CHRDL2: variants seen among roughly 807,000 people sequenced by gnomAD.
The protein encoded by CHRDL2 is chordin-like protein 2.
A neutral mutation model predicts 54.3 loss-of-function variants in CHRDL2; 41 were observed. The observed-to-expected ratio is 0.76, with a 90% confidence interval of 0.59 to 0.98. The LOEUF (loss-of-function observed/expected upper bound fraction) is 0.98, where lower values mean the gene tolerates loss of function less well. Ranked by LOEUF, CHRDL2 falls within the 50% of genes least tolerant of loss-of-function variation. The pLI, the probability that CHRDL2 is intolerant of heterozygous loss-of-function variation, is 0.00. For synonymous variants in CHRDL2, 220 were observed against 224.3 expected, an observed-to-expected ratio of 0.98 and a Z score of 0.17; for missense variants, 518 against 562.4, an observed-to-expected ratio of 0.92 and a Z score of 0.80.
chr11:74,706,071 G>T lies in CHRDL2; in HGVS notation c.582+416C>A, dbSNP rs186777757. On this transcript the variant is annotated intron_variant, in intron 6 of 10. Transcript: ENST00000376332. ...TTGAGAGGGGCCAAGATACAGGGGGGTACAGAGAGGCAGGCTCTAAAGAGC... is the reference window on the plus strand; with the variant it reads ...TTGAGAGGGGCCAAGATACAGGGGGTTACAGAGAGGCAGGCTCTAAAGAGC... Among the ~76,000 whole-genome samples the T allele has an allele frequency of 7.2e-5, 11 of 152,156 alleles. No homozygotes were observed. The East Asian group carries it at 1.4e-3, about 19-fold the overall frequency.
At chr11:74,704,442 C>A in intron 7 of CHRDL2, 44 bp downstream of exon 7, 3 of 1,561,982 alleles carry the variant, frequency 1.9e-6, no homozygotes, top group Admixed American at 2.0e-5. Context: ...CAGTCAGGGC[C>A]CCCCTTCCCT....
At chr11:74,713,057 G>A (rs1391399493) in intron 3 of CHRDL2, among the ~76,000 whole-genome samples, 1 of 152,110 alleles carries the variant, frequency 6.6e-6, no homozygotes, top group East Asian at 1.9e-4. Context: ...TTCCCAGACT[G>A]CGCCCACACC....
intron 1 of CHRDL2, among the ~76,000 whole-genome samples, chr11:74,728,715 C>T (rs1336334445): frequency 6.6e-6 from 1 of 152,092 alleles, no homozygotes; most frequent in Non-Finnish European, 1.5e-5. Context: ...TGCTGTGTGA[C>T]CTTGGGCAAG....
At chr11:74,713,315 C>T in intron 3 of CHRDL2, 71 bp downstream of exon 3, 1 of 1,360,268 alleles carries the variant, frequency 7.4e-7, no homozygotes. Flanking sequence ...CAGGGGTCTC[C>T]CTCAGCTAGA....
intron 10 of CHRDL2, among the ~76,000 whole-genome samples, 180 bp from the exon 11 acceptor site, chr11:74,696,765 C>T (rs150118913): frequency 1.3e-3 from 203 of 152,300 alleles, no homozygotes; most frequent in African/African-American, 4.7e-3. Flanking sequence ...GGCACATGAC[C>T]CAGCTTTCAA....
intron 1 of CHRDL2, among the ~76,000 whole-genome samples, chr11:74,721,599 C>A (rs2034501289): frequency 6.6e-6 from 1 of 152,224 alleles, no homozygotes; most frequent in African/African-American, 2.4e-5. Context: ...GATGAGTGCC[C>A]AAGGCCATGC....
intron 3 of CHRDL2, among the ~76,000 whole-genome samples, chr11:74,713,059 G>A (rs1456741095): frequency 1.3e-5 from 2 of 152,198 alleles, no homozygotes; most frequent in East Asian, 1.9e-4. Flanking sequence ...CCCAGACTGC[G>A]CCCACACCCT....
chr11:74,704,530 C>T lies in CHRDL2; in HGVS notation c.707G>A (p.Gly236Asp), dbSNP rs758219563. The T allele has an allele frequency of 1.3e-5, 20 of 1,585,140 alleles. No individual in the cohort carries two copies. The highest frequency in any genetic ancestry group is 2.7e-5 in the African/African-American group (2 of 73,126). ...IPRHFRPKGAGSTTVKIVLKE... is the reference protein window; with the variant it reads ...IPRHFRPKGADSTTVKIVLKE... The stretch of plus-strand genomic sequence containing the variant: ...CAGGACGATCTTGACAGTTGTGCTG[C>T]CTGCTCCCTTGGGTCTGAAGTGGCG... Residue 236 changes from glycine to aspartate, a missense_variant, in exon 7 of 11, where the codon GGC becomes GAC. Gly to Asp is a moderately conservative substitution (Grantham distance 94, BLOSUM62 -1). Coordinates refer to ENST00000376332, the MANE Select transcript of CHRDL2 (RefSeq NM_001278473.3).
rs1565161643 is a variant in CHRDL2, at chr11:74,730,827, AG to A, written c.61del (p.Leu21TrpfsTer35). On this transcript the variant is annotated frameshift_variant, in exon 1 of 11. Coordinates refer to ENST00000376332, the MANE Select transcript of CHRDL2 (RefSeq NM_001278473.3). LOFTEE classifies it high-confidence loss of function. ...LLGLALLWFP[L>X]DSHARARPDM... ...CTTACGGGCTCGAGCGTGGGAGTCC[AG>A]GGGGAACCAGAGCAGCGCGAGTCCC... The A allele has an allele frequency of 6.2e-7, 1 of 1,612,420 alleles. No homozygotes were observed. Among genetic ancestry groups the A allele is most frequent in the Non-Finnish European group, 8.5e-7 (1 of 1,179,478 alleles).
At chr11:74,727,491 A>G (rs1394065768) in intron 1 of CHRDL2, among the ~76,000 whole-genome samples, 1 of 152,156 alleles carries the variant, frequency 6.6e-6, no homozygotes, top group African/African-American at 2.4e-5. Flanking sequence ...TGCAGCCCCC[A>G]TCTTCTGGGC....
chr11:74,718,331 C>T (rs186384802), intron 2 of CHRDL2, among the ~76,000 whole-genome samples: 1 of 152,154 alleles, frequency 6.6e-6, no homozygotes, highest in South Asian at 2.1e-4. Context: ...GGGAACACAT[C>T]CTAAGGCAGG....
In CHRDL2 at chr11:74,702,941, C is replaced by A. The variant is rs1591351314; in HGVS notation, c.973G>T (p.Glu325Ter). The A allele has an allele frequency of 6.2e-7, 1 of 1,613,688 alleles. No individual in the cohort carries two copies. The highest frequency in any genetic ancestry group is 2.2e-5 in the East Asian group (1 of 44,884). Residue 325 changes from glutamate to a stop codon, truncating the protein, a stop_gained, in exon 9 of 11, where the codon GAG becomes TAG. Transcript: ENST00000376332. LOFTEE classifies it high-confidence loss of function. The stretch of plus-strand genomic sequence containing the variant: ...TTGGGACACCTGGTAGAACTGATCT[C>A]ACTGTGGCCAGGGTCTGCTTTGTCC... Reference protein sequence around the residue: ...PEDKADPGHSEISSTRCPKAP... With the variant: ...PEDKADPGHS
intron 1 of CHRDL2, among the ~76,000 whole-genome samples, chr11:74,721,844 T>C (rs1312736682): frequency 2.6e-5 from 4 of 152,250 alleles, no homozygotes; most frequent in Non-Finnish European, 5.9e-5. Flanking sequence ...TCTGCATAGA[T>C]ACTTTATGAA....
intron 6 of CHRDL2, among the ~76,000 whole-genome samples, chr11:74,705,997 C>T (rs1412624061): frequency 6.6e-6 from 1 of 152,162 alleles, no homozygotes; most frequent in Non-Finnish European, 1.5e-5. Context: ...TCCTTCCTCT[C>T]AGATCAGAGA....
intron 9 of CHRDL2, among the ~76,000 whole-genome samples, chr11:74,702,183 G>A (rs2033838364): frequency 2.0e-5 from 3 of 151,962 alleles, no homozygotes; most frequent in Non-Finnish European, 1.5e-5. Flanking sequence ...TTGAGCCCAG[G>A]AGAATGAGGT....
chr11:74,703,496 C>T lies in CHRDL2; in HGVS notation c.755G>A (p.Cys252Tyr), dbSNP rs1190055259. 6 of 1,593,194 alleles carry T rather than the reference C, an allele frequency of 3.8e-6. No homozygotes were observed. Among genetic ancestry groups the T allele is most frequent in the Non-Finnish European group, 5.1e-6 (6 of 1,167,820 alleles). The change falls in exon 8 of 11, where the codon TGT becomes TAT. Residue 252 changes from cysteine (C) to tyrosine (Y), a missense_variant. Physicochemically the swap from Cys to Tyr is radical, Grantham distance 194. Coordinates refer to ENST00000376332, the MANE Select transcript of CHRDL2 (RefSeq NM_001278473.3). ...IVLKEKHKKA[C>Y]VHGGKTYSHG... Reference sequence around the variant, plus strand: ...GGAGTACGTCTTCCCGCCATGCACACAGGCTGAATAAGGAGGGTGAGAAGG... The same window carrying T: ...GGAGTACGTCTTCCCGCCATGCACATAGGCTGAATAAGGAGGGTGAGAAGG...
intron 1 of CHRDL2, among the ~76,000 whole-genome samples, chr11:74,726,745 C>G (rs2135279758): frequency 6.6e-6 from 1 of 152,282 alleles, no homozygotes; most frequent in Middle Eastern, 3.4e-3. Context: ...GTGAGTGAGG[C>G]AGAGACCTCT....
intron 2 of CHRDL2, among the ~76,000 whole-genome samples, chr11:74,716,549 A>AT (rs2034358362): frequency 7.1e-6 from 1 of 141,590 alleles, no homozygotes; most frequent in African/African-American, 2.5e-5. Flanking sequence ...CCAAAAAAAA[A>AT]AAAAAAAAAA....
chr11:74,720,548 C>T (rs551362659), intron 1 of CHRDL2, among the ~76,000 whole-genome samples: 2 of 152,140 alleles, frequency 1.3e-5, no homozygotes, highest in Non-Finnish European at 2.9e-5. Flanking sequence ...GACTCCCTAG[C>T]TTATTCTCTT....
Sources: allele counts gnomAD v4.1 joint callset (sites outside exome capture counted in the v4.1 genomes callset), GRCh38; gene constraint gnomAD v4.1.1; transcripts MANE v1.5; gene names NCBI Gene and HGNC (gene_info 2026-07-23, HGNC 2026-07-21).